The following ZFAND4 variants were observed in gnomAD, a reference collection of about 807,000 sequenced individuals.
ZFAND4 encodes the protein zinc finger AN1-type containing 4.
In ZFAND4, 43 loss-of-function variants were observed where a neutral mutation model predicts 64.4. The observed-to-expected ratio is 0.67, with a 90% CI of 0.52 to 0.86. The LOEUF is 0.86. ZFAND4 is among the 40% of genes least tolerant of loss of function. The pLI is 0.00. For synonymous variants in ZFAND4, 296 were observed against 305.7 expected (o/e 0.97, Z 0.33); for missense variants, 929 against 859.8 (o/e 1.08, Z -1.01).
At chr10:45,631,621 T>A (rs1051034435) in intron 6 of ZFAND4, among the ~76,000 whole-genome samples, 5 of 152,250 alleles carry the variant, frequency 3.3e-5, no homozygotes, top group Admixed American at 3.3e-4. Flanking sequence ...AAGCAAAGCA[T>A]AGCAGAGCAA....
intron 5 of ZFAND4, among the ~76,000 whole-genome samples, chr10:45,643,398 C>A (rs2133730625): frequency 6.6e-6 from 1 of 151,764 alleles, no homozygotes; most frequent in South Asian, 2.1e-4. Flanking sequence ...AGGCCGGGCA[C>A]AGTGGCTCAT....
intron 1 of ZFAND4, among the ~76,000 whole-genome samples, chr10:45,664,309 G>A (rs1406373335): frequency 2.1e-5 from 3 of 146,048 alleles, no homozygotes; most frequent in Non-Finnish European, 3.0e-5. Flanking sequence ...TCGCTCTGTC[G>A]CCAGGCTGGA....
At chr10:45,652,113 T>A (rs552495418) in intron 3 of ZFAND4, 80 bp from the exon 4 acceptor site, 1 of 1,415,660 alleles carries the variant, frequency 7.1e-7, no homozygotes, top group South Asian at 1.2e-5. Flanking sequence ...TGTGCTGGCT[T>A]ATCAGGCAGA....
chr10:45,661,365 C>T (rs2048460606), intron 2 of ZFAND4, among the ~76,000 whole-genome samples: 2 of 152,084 alleles, frequency 1.3e-5, no homozygotes, highest in South Asian at 4.1e-4. Flanking sequence ...TTGCTGCAGC[C>T]TCCTTGTTCC....
intron 3 of ZFAND4, 32 bp downstream of exon 3, chr10:45,652,952 C>A: frequency 6.4e-7 from 1 of 1,552,302 alleles, no homozygotes; most frequent in South Asian, 1.1e-5. Context: ...TACTAAGTGC[C>A]TACAAAACAG....
At chr10:45,639,563 GCTCT>G (rs1315641543) in intron 6 of ZFAND4, 1 of 261,028 alleles carries the variant, frequency 3.8e-6, no homozygotes, top group African/African-American at 2.2e-5. Context: ...TTAAGATTAA[GCTCT>G]CTTTTTTTAT....
Position 45,626,202 on chromosome 10 carries a change from T to C in ZFAND4, c.1621A>G (p.Ile541Val), listed in dbSNP as rs576871216. 6 of 1,614,168 alleles carry C rather than the reference T, an allele frequency of 3.7e-6. No individual in the cohort carries two copies. The South Asian group carries it at 6.6e-5, about 18-fold the overall frequency. Residue 541 changes from isoleucine to valine, a missense_variant, in exon 7 of 10, where the codon ATT becomes GTT. Transcript: ENST00000344646. ...ATATCCCGAGCCTCAACTTTGGAAATAACATCAGATCTTTTCCCAAGTGAA... is the reference window on the plus strand; with the variant it reads ...ATATCCCGAGCCTCAACTTTGGAAACAACATCAGATCTTTTCCCAAGTGAA... ...VDSLGKRSDV[I>V]SKVEARDITE...
At chr10:45,645,449 G>T (rs544620425) in intron 5 of ZFAND4, among the ~76,000 whole-genome samples, 67 of 151,892 alleles carry the variant, frequency 4.4e-4, no homozygotes, top group Non-Finnish European at 9.3e-4. Flanking sequence ...GTTTTATTAT[G>T]TTTTTTTTAG....
chr10:45,641,052 T>C (rs1400771020), intron 5 of ZFAND4, among the ~76,000 whole-genome samples: 1 of 152,228 alleles, frequency 6.6e-6, no homozygotes, highest in Admixed American at 6.5e-5. Context: ...TATACTTACA[T>C]GTTTGTTTTG....
At chr10:45,630,655 G>A (rs1429037009) in intron 6 of ZFAND4, among the ~76,000 whole-genome samples, 1 of 152,116 alleles carries the variant, frequency 6.6e-6, no homozygotes, top group Non-Finnish European at 1.5e-5. Flanking sequence ...GAACCCGGAA[G>A]ACAAAGCTTG....
At chr10:45,622,784 G>T (rs2045523573) in intron 8 of ZFAND4, among the ~76,000 whole-genome samples, 1 of 152,208 alleles carries the variant, frequency 6.6e-6, no homozygotes, top group African/African-American at 2.4e-5. Context: ...ATTTTTGGTA[G>T]TCCGTTGAAG....
intron 8 of ZFAND4, among the ~76,000 whole-genome samples, chr10:45,621,528 G>A (rs113802947): frequency 0.034 from 5,120 of 151,678 alleles, 95 homozygotes; most frequent in East Asian, 0.053. Flanking sequence ...GGATCCCGAC[G>A]TCAGGAGATC....
chr10:45,647,230 C>T (rs1164504123), intron 5 of ZFAND4, among the ~76,000 whole-genome samples: 2 of 152,060 alleles, frequency 1.3e-5, no homozygotes, highest in South Asian at 2.1e-4. Flanking sequence ...AAAAACTGGG[C>T]GCTCCATCAT....
At position 45,672,322 on chromosome 10, in the gene ZFAND4, G is replaced by A. The variant is rs2133899683; in HGVS notation, c.-190C>T. On this transcript the variant is annotated 5_prime_UTR_variant, in exon 1 of 10. Transcript: ENST00000344646. ...CCAATCCGGGCTCCCCAGACCCACC[G>A]GCCTGAATCTGGAGGACAGCAGTCC... 6.6e-6 allele frequency: 1 copy of A among 152,376 alleles called. No individual in the cohort carries two copies. Among genetic ancestry groups the A allele is most frequent in the Admixed American group, 6.5e-5 (1 of 15,308 alleles). The allele number at this position is 152,376 out of a possible 1,614,324, so 9.4% of individuals were successfully genotyped here.
chr10:45,628,506 T>C (rs1589271539), intron 6 of ZFAND4, among the ~76,000 whole-genome samples: 1 of 152,074 alleles, frequency 6.6e-6, no homozygotes, highest in Admixed American at 6.6e-5. Context: ...ATGGGGTTTC[T>C]CTATGTTGGC....
chr10:45,647,460 CT>C (rs1224340745), intron 5 of ZFAND4, among the ~76,000 whole-genome samples: 1 of 149,652 alleles, frequency 6.7e-6, no homozygotes, highest in Non-Finnish European at 1.5e-5. Flanking sequence ...TTACCACTAC[CT>C]TTTTATTTTG....
intron 8 of ZFAND4, 41 bp downstream of exon 8, chr10:45,624,542 T>C: frequency 6.3e-7 from 1 of 1,585,008 alleles, no homozygotes; most frequent in Non-Finnish European, 8.7e-7. Context: ...AATTATGTAA[T>C]TATCAGCCTT....
chr10:45,651,840 A>G (rs2047778532), intron 4 of ZFAND4, 126 bp downstream of exon 4: 1 of 826,776 alleles, frequency 1.2e-6, no homozygotes, highest in East Asian at 2.7e-5. Context: ...TGCCTAGAGA[A>G]TCAAATGTGA....
rs764132017 is a variant in ZFAND4, at chr10:45,626,857, G to A, written c.966C>T (p.Ser322=). 6.2e-7 allele frequency: 1 copy of A among 1,614,196 alleles called. No homozygotes were observed. Among genetic ancestry groups the A allele is most frequent in the South Asian group, 1.1e-5 (1 of 91,088 alleles). ...ITGEFLKEDN[S]WENNTLSHFS... is the part of the protein sequence containing the mutation. ...AGTGAGACAGTGTGTTATTCTCCCA[G>A]CTATTATCTTCCTTAAGAAATTCAC... Residue 322 remains serine, a synonymous_variant, in exon 7 of 10, where the codon AGC becomes AGT. Transcript: ENST00000344646.
Sources: allele counts gnomAD v4.1 joint callset (sites outside exome capture counted in the v4.1 genomes callset), GRCh38; gene constraint gnomAD v4.1.1; transcripts MANE v1.5; gene names NCBI Gene and HGNC (gene_info 2026-07-23, HGNC 2026-07-21).